The following MECOM variants were observed in gnomAD, a reference collection of about 807,000 sequenced individuals.
MECOM encodes the protein MDS1 and EVI1 complex locus, also known as histone-lysine N-methyltransferase MECOM.
A neutral mutation model predicts 116.3 loss-of-function variants in MECOM; 13 were observed. The ratio of observed to expected loss-of-function variants is 0.11; its 90% CI spans 0.07 to 0.18. The LOEUF (loss-of-function observed/expected upper bound fraction) is 0.18. MECOM is among the 10% of genes least tolerant of loss of function. The pLI is 1.00. For missense variants in MECOM, 1,299 were observed against 1,509.0 expected (o/e 0.86, Z 2.31); for synonymous variants, 528 against 535.2 (o/e 0.99, Z 0.19).
rs144759717 is a variant in MECOM at position 169,234,072 on chromosome 3, C to T, written c.376-90240G>A. Among the ~76,000 whole-genome samples the T allele has an allele frequency of 7.2e-5, 11 of 152,184 alleles. No individual in the cohort carries two copies. In the East Asian group the frequency reaches 2.1e-3, roughly 29 times the overall value. On this transcript the variant is annotated intron_variant, in intron 2 of 16. Coordinates refer to ENST00000651503, the MANE Select transcript of MECOM (RefSeq NM_004991.4). ...AAAGTGAAATGTAAATGTGTCCCTT[C>T]AGGTCAACTTCTTATAGAAATGTTT...
At chr3:169,527,377 A>C (rs1349691747) in intron 1 of MECOM, among the ~76,000 whole-genome samples, 1 of 152,226 alleles carries the variant, frequency 6.6e-6, no homozygotes, top group African/African-American at 2.4e-5. Flanking sequence ...TGATCTCAAC[A>C]GTTTGAAAGG....
intron 1 of MECOM, among the ~76,000 whole-genome samples, chr3:169,523,700 G>A (rs1254707854): frequency 2.6e-5 from 4 of 151,856 alleles, no homozygotes; most frequent in African/African-American, 4.8e-5. Context: ...CCCCTAAGTT[G>A]CCAAATTAGC....
intron 2 of MECOM, among the ~76,000 whole-genome samples, chr3:169,236,126 G>A (rs1418293860): frequency 6.6e-6 from 1 of 152,108 alleles, no homozygotes; most frequent in African/African-American, 2.4e-5. Flanking sequence ...TCCAACTGCA[G>A]GCAAATGTAA....
chr3:169,388,710 T>G (rs1733769478), intron 1 of MECOM, among the ~76,000 whole-genome samples: 1 of 152,136 alleles, frequency 6.6e-6, no homozygotes, highest in African/African-American at 2.4e-5. Flanking sequence ...AATGGAGTGT[T>G]TGGACACTGG....
intron 2 of MECOM, among the ~76,000 whole-genome samples, chr3:169,237,797 C>T (rs1754277194): frequency 6.6e-6 from 1 of 151,972 alleles, no homozygotes. Context: ...TTAGAAGTCC[C>T]ATACTATTTA....
At chr3:169,359,873 C>A (rs946419105) in intron 2 of MECOM, among the ~76,000 whole-genome samples, 1 of 151,668 alleles carries the variant, frequency 6.6e-6, no homozygotes, top group Admixed American at 6.6e-5. Flanking sequence ...TAGGCTATAG[C>A]AGAGTTTGAG....
intron 1 of MECOM, among the ~76,000 whole-genome samples, chr3:169,579,004 A>G (rs2109517062): frequency 6.6e-6 from 1 of 152,344 alleles, no homozygotes; most frequent in African/African-American, 2.4e-5. Context: ...TACAAATCCC[A>G]GCTGCACAAC....
chr3:169,518,122 G>A (rs1269665053), intron 1 of MECOM, among the ~76,000 whole-genome samples: 2 of 152,136 alleles, frequency 1.3e-5, no homozygotes, highest in Admixed American at 6.5e-5. Flanking sequence ...GGACGGGCGT[G>A]ATGGCAGGCG....
chr3:169,129,209 A>G (rs942255210), intron 4 of MECOM, among the ~76,000 whole-genome samples: 2 of 152,074 alleles, frequency 1.3e-5, no homozygotes, highest in Admixed American at 6.6e-5. Flanking sequence ...GGGAAGAGAC[A>G]GAGGCAAAAA....
chr3:169,414,759 CA>C (rs1738237399), intron 1 of MECOM, among the ~76,000 whole-genome samples: 2 of 151,996 alleles, frequency 1.3e-5, no homozygotes, highest in Non-Finnish European at 2.9e-5. Context: ...ATAGCCCAAT[CA>C]ATCAAGTGGA....
chr3:169,231,167 G>T (rs985186796), intron 2 of MECOM, among the ~76,000 whole-genome samples: 1 of 151,798 alleles, frequency 6.6e-6, no homozygotes, highest in African/African-American at 2.4e-5. Flanking sequence ...TTTTCCTTTT[G>T]TTGTGTCTAT....
intron 1 of MECOM, among the ~76,000 whole-genome samples, chr3:169,462,680 G>C (rs1747652033): frequency 6.6e-6 from 1 of 152,150 alleles, no homozygotes; most frequent in Non-Finnish European, 1.5e-5. Flanking sequence ...ACTGGAAACA[G>C]TCTTGGATAG....
chr3:169,088,366 C>T (rs1718539115), intron 16 of MECOM, among the ~76,000 whole-genome samples: 1 of 152,078 alleles, frequency 6.6e-6, no homozygotes, highest in Admixed American at 6.5e-5. Flanking sequence ...TTTTTAGTTA[C>T]CATAGTGCTG....
At chr3:169,367,559 G>GTATATACATATATA (rs1469990395) in intron 2 of MECOM, among the ~76,000 whole-genome samples, 1 of 152,028 alleles carries the variant, frequency 6.6e-6, no homozygotes, top group African/African-American at 2.4e-5. Context: ...GTAGGGGATG[G>GTATATACATATATA]TATACAAGAT....
chr3:169,293,124 C>T (rs1483399137), intron 2 of MECOM, among the ~76,000 whole-genome samples: 2 of 152,148 alleles, frequency 1.3e-5, no homozygotes, highest in Admixed American at 1.3e-4. Flanking sequence ...GAGGAGTCAG[C>T]TAGAACAAAT....
intron 8 of MECOM, 137 bp downstream of exon 8, chr3:169,115,246 G>T (rs1267660965): frequency 4.5e-6 from 4 of 896,630 alleles, no homozygotes; most frequent in East Asian, 5.6e-5. Flanking sequence ...AATAAAAAAT[G>T]AGTTCACTAG....
At chr3:169,619,468 A>AAGATTTTGCTGTCACTT (rs1416333289) in intron 1 of MECOM, among the ~76,000 whole-genome samples, 4 of 152,120 alleles carry the variant, frequency 2.6e-5, no homozygotes, top group Non-Finnish European at 4.4e-5. Context: ...GAGGCACCTC[A>AAGATTTTGCTGTCACTT]AGATTTTGCT....
chr3:169,545,349 C>G (rs1164671266), intron 1 of MECOM, among the ~76,000 whole-genome samples: 1 of 152,172 alleles, frequency 6.6e-6, no homozygotes, highest in African/African-American at 2.4e-5. Flanking sequence ...GTAGTAGTCT[C>G]TCCTCAATTT....
chr3:169,433,078 G>C (rs1741906233), intron 1 of MECOM, among the ~76,000 whole-genome samples: 2 of 152,142 alleles, frequency 1.3e-5, no homozygotes, highest in Non-Finnish European at 2.9e-5. Flanking sequence ...AGATATAAAA[G>C]TTTATAGAAA....
Sources: gnomAD v4.1 joint callset for allele counts (sites outside exome capture counted in the v4.1 genomes callset) on GRCh38, gnomAD v4.1.1 for gene constraint, MANE v1.5 for transcripts, NCBI Gene and HGNC (gene_info 2026-07-23, HGNC 2026-07-21) for gene names.